Variants in WIPF3 observed in about 807,000 individuals in gnomAD.
WIPF3 encodes the protein WAS/WASL-interacting protein family member 3.
WIPF3 carries 33 observed loss-of-function variants against 38.9 expected under a neutral mutation model. The observed-to-expected ratio is 0.85, with a 90% CI of 0.64 to 1.14. The LOEUF (loss-of-function observed/expected upper bound fraction) is 1.14, where lower values mean the gene tolerates loss of function less well. Among genes scored for constraint, WIPF3 ranks in the 50% most tolerant of loss-of-function variants. The pLI is 0.00. For synonymous variants in WIPF3, 324 were observed against 269.3 expected (o/e 1.20, Z -1.99); for missense variants, 711 against 652.5 (o/e 1.09, Z -0.98).
chr7:29,881,955 C>G (rs1785727669), intron 4 of WIPF3, among the ~76,000 whole-genome samples: 1 of 152,204 alleles, frequency 6.6e-6, no homozygotes, highest in African/African-American at 2.4e-5. Context: ...CCTTCAACTC[C>G]CTCGGAGCTC....
At chr7:29,911,293 C>T (rs1198001708) in intron 8 of WIPF3, among the ~76,000 whole-genome samples, 1 of 152,170 alleles carries the variant, frequency 6.6e-6, no homozygotes, top group Non-Finnish European at 1.5e-5. Context: ...ATCCCATGTT[C>T]ATGGGTTAGA....
At chr7:29,887,974 A>C (rs902313679) in intron 5 of WIPF3, 94 bp from the exon 6 acceptor site, 2 of 1,503,460 alleles carry the variant, frequency 1.3e-6, no homozygotes, top group Non-Finnish European at 1.8e-6. Flanking sequence ...ATCATATTAC[A>C]TCTGAAGATA....
chr7:29,872,071 G>A (rs951134934), intron 2 of WIPF3, among the ~76,000 whole-genome samples: 1 of 152,174 alleles, frequency 6.6e-6, no homozygotes. Context: ...GTTTTGTTTT[G>A]TCTGTGTGTT....
intron 2 of WIPF3, among the ~76,000 whole-genome samples, chr7:29,850,420 G>A (rs1482048561): frequency 2.6e-5 from 4 of 152,162 alleles, no homozygotes; most frequent in African/African-American, 7.2e-5. Flanking sequence ...TGGAAGAGAA[G>A]GTTTAGGAGC....
At chr7:29,850,196 A>G (rs981136913) in intron 2 of WIPF3, among the ~76,000 whole-genome samples, 1 of 152,194 alleles carries the variant, frequency 6.6e-6, no homozygotes, top group African/African-American at 2.4e-5. Flanking sequence ...TGTTCCCCAT[A>G]ACTTCCTCTA....
chr7:29,836,042 G>C (rs560413002), intron 2 of WIPF3, among the ~76,000 whole-genome samples: 2 of 152,358 alleles, frequency 1.3e-5, no homozygotes, highest in East Asian at 3.9e-4. Context: ...GAGGTGCCAA[G>C]GGCTTAGACC....
intron 6 of WIPF3, among the ~76,000 whole-genome samples, chr7:29,888,639 T>G (rs989253789): frequency 1.3e-5 from 2 of 152,014 alleles, no homozygotes; most frequent in Non-Finnish European, 2.9e-5. Flanking sequence ...AGTACAAGTA[T>G]GGAGGTAGGA....
At chr7:29,842,600 G>A (rs1366540890) in intron 2 of WIPF3, among the ~76,000 whole-genome samples, 1 of 152,212 alleles carries the variant, frequency 6.6e-6, no homozygotes, top group Admixed American at 6.5e-5. Context: ...AATATAAGCT[G>A]TGACATATAT....
intron 1 of WIPF3, among the ~76,000 whole-genome samples, chr7:29,814,567 A>G (rs965510926): frequency 1.3e-5 from 2 of 152,122 alleles, no homozygotes; most frequent in Non-Finnish European, 2.9e-5. Flanking sequence ...CAGGCTTGGG[A>G]TCAAATTCAC....
intron 8 of WIPF3, among the ~76,000 whole-genome samples, chr7:29,909,951 G>A (rs999529375): frequency 1.5e-4 from 23 of 152,034 alleles, no homozygotes; most frequent in African/African-American, 5.3e-4. Context: ...AACTAGCGGG[G>A]GAGTGGAGTT....
At chr7:29,846,102 A>T (rs371855850) in intron 2 of WIPF3, among the ~76,000 whole-genome samples, 1 of 152,270 alleles carries the variant, frequency 6.6e-6, no homozygotes, top group Admixed American at 6.5e-5. Flanking sequence ...AAATGCAGTT[A>T]TATCAGAAGT....
chr7:29,852,768 A>G (rs1446338907), intron 2 of WIPF3, among the ~76,000 whole-genome samples: 1 of 152,204 alleles, frequency 6.6e-6, no homozygotes, highest in Non-Finnish European at 1.5e-5. Context: ...CCCAGTGGTG[A>G]TGGCTGAGTT....
Position 29,834,763 on chromosome 7 carries a change from A to ACCTCCCCCGCCTCTGGGGGCT in WIPF3, c.48_68dup (p.Leu18_Pro24dup). 9.5e-7 allele frequency: 1 copy of ACCTCCCCCGCCTCTGGGGGCT among 1,048,800 alleles called. No individual in the cohort carries two copies. Among genetic ancestry groups the ACCTCCCCCGCCTCTGGGGGCT allele is most frequent in the South Asian group, 2.5e-5 (1 of 39,854 alleles). 65.0% of individuals were successfully genotyped at this position (1,048,800 alleles called of 1,614,324 possible). On this transcript the variant is annotated inframe_insertion, in exon 2 of 9. Coordinates refer to ENST00000242140, the MANE Select transcript of WIPF3 (RefSeq NM_001080529.3). ...CGCCACCCCCACCTCCTCTGCCTCC[A>ACCTCCCCCGCCTCTGGGGGCT]CCTCCCCCGCCTCTGGGGGCTCCTC... is the stretch of plus-strand genomic sequence containing the variant.
intron 2 of WIPF3, among the ~76,000 whole-genome samples, chr7:29,873,778 A>G (rs1051909573): frequency 6.6e-6 from 1 of 152,180 alleles, no homozygotes; most frequent in Non-Finnish European, 1.5e-5. Context: ...TTTGAAGCCT[A>G]TGCCCTTCAA....
intron 1 of WIPF3, among the ~76,000 whole-genome samples, chr7:29,809,330 C>T (rs1310643771): frequency 6.6e-6 from 1 of 152,216 alleles, no homozygotes; most frequent in Non-Finnish European, 1.5e-5. Context: ...AGAAATAGCT[C>T]TGGGTGAGTC....
intron 2 of WIPF3, among the ~76,000 whole-genome samples, chr7:29,869,725 C>T (rs1219849453): frequency 2.0e-5 from 3 of 152,090 alleles, no homozygotes; most frequent in African/African-American, 4.8e-5. Flanking sequence ...TGATTATTCC[C>T]TACTAAAGAG....
chr7:29,876,703 A>G (rs1021524159), intron 3 of WIPF3, among the ~76,000 whole-genome samples: 7 of 152,230 alleles, frequency 4.6e-5, no homozygotes, highest in Non-Finnish European at 8.8e-5. Context: ...CTCACTTTGT[A>G]AAAAATGCAA....
intron 1 of WIPF3, among the ~76,000 whole-genome samples, chr7:29,827,603 A>G (rs1283414346): frequency 6.6e-6 from 1 of 152,094 alleles, no homozygotes; most frequent in Admixed American, 6.6e-5. Flanking sequence ...TGTGAGATAT[A>G]TATTGCGTCA....
intron 5 of WIPF3, among the ~76,000 whole-genome samples, chr7:29,887,009 G>A (rs1490155048): frequency 3.3e-5 from 5 of 152,190 alleles, no homozygotes; most frequent in African/African-American, 4.8e-5. Context: ...GAAAGGGAGA[G>A]GAAGGCAGTT....
Sources: gnomAD v4.1 joint callset for allele counts (sites outside exome capture counted in the v4.1 genomes callset) on GRCh38, gnomAD v4.1.1 for gene constraint, MANE v1.5 for transcripts, NCBI Gene and HGNC (gene_info 2026-07-23, HGNC 2026-07-21) for gene names.